TRAF3IP1: variants seen among roughly 807,000 people sequenced by gnomAD.
TRAF3IP1 encodes TRAF3-interacting protein 1.
A neutral mutation model predicts 89.9 loss-of-function variants in TRAF3IP1; 53 were observed. That is an observed-to-expected ratio of 0.59 (90% CI 0.47 to 0.74). The LOEUF (loss-of-function observed/expected upper bound fraction) is 0.74. Among genes scored for constraint, TRAF3IP1 ranks in the 30% least tolerant of loss-of-function variants. The probability of loss-of-function intolerance (pLI) is 0.00; values close to 1 mark genes in which losing one functional copy is unlikely to be tolerated. For synonymous variants in TRAF3IP1, 311 were observed against 322.1 expected, an observed-to-expected ratio of 0.97 and a Z score of 0.37; for missense variants, 806 against 866.1, an observed-to-expected ratio of 0.93 and a Z score of 0.87.
chr2:238,326,109 C>T, intron 3 of TRAF3IP1, 139 bp downstream of exon 3: 1 of 749,376 alleles, frequency 1.3e-6, no homozygotes, highest in Non-Finnish European at 2.1e-6. Flanking sequence ...TGAATCTGAT[C>T]CCACCCCTTC....
chr2:238,369,921 T>C (rs1700036306), intron 15 of TRAF3IP1, among the ~76,000 whole-genome samples: 1 of 152,222 alleles, frequency 6.6e-6, no homozygotes, highest in Non-Finnish European at 1.5e-5. Flanking sequence ...GCCTCAGATT[T>C]GGCTCTGGAG....
At chr2:238,357,069 C>T (rs868571599) in intron 15 of TRAF3IP1, among the ~76,000 whole-genome samples, 6 of 152,198 alleles carry the variant, frequency 3.9e-5, no homozygotes, top group Non-Finnish European at 7.3e-5. Context: ...TGAGCCACCG[C>T]GCCTGGCCGG....
At position 238,344,583 on chromosome 2, in the gene TRAF3IP1, A is replaced by T. The variant is rs58277463; in HGVS notation, c.1246A>T (p.Thr416Ser). ...GTGTGAGAATATTCAGCCCAACCCC[A>T]CAGAGAAGCAGAAAGGTAAGAATGG... ...LRCENIQPNPTEKQKGDSTSD... is the reference protein window; with the variant it reads ...LRCENIQPNPSEKQKGDSTSD... Residue 416 changes from threonine to serine, a missense_variant, in exon 9 of 17, where the codon ACA becomes TCA. Coordinates refer to ENST00000373327, the MANE Select transcript of TRAF3IP1 (RefSeq NM_015650.4). The T allele has an allele frequency of 0.06, 97,462 of 1,613,720 alleles. 5,390 individuals are homozygous for T. The highest frequency in any genetic ancestry group is 0.27 in the African/African-American group (20,457 of 74,948).
At position 238,325,886 on chromosome 2, in the gene TRAF3IP1, C is replaced by A. The variant is rs767662511; in HGVS notation, c.270C>A (p.Ala90=). The A allele has an allele frequency of 6.2e-7, 1 of 1,614,202 alleles. No individual in the cohort carries two copies. Among genetic ancestry groups the A allele is most frequent in the South Asian group, 1.1e-5 (1 of 91,074 alleles). ...TGGTGTCGGGAGAGCCACTGTTGGC[C>A]AAACCAGCCCGAATCGTGGCGGGGC... ...VVMVSGEPLL[A]KPARIVAGHE... The change falls in exon 3 of 17, where the codon GCC becomes GCA. Residue 90 remains alanine (A), a synonymous_variant. Transcript: ENST00000373327.
chr2:238,358,000 T>C (rs1407726890), intron 15 of TRAF3IP1, among the ~76,000 whole-genome samples: 1 of 152,192 alleles, frequency 6.6e-6, no homozygotes, highest in Non-Finnish European at 1.5e-5. Context: ...TCAGGGTTGA[T>C]GTATGTTACA....
chr2:238,393,554 G>A (rs533466636), intron 15 of TRAF3IP1, among the ~76,000 whole-genome samples: 16 of 152,282 alleles, frequency 1.1e-4, no homozygotes, highest in Non-Finnish European at 1.8e-4. Flanking sequence ...TTGGTGTCAA[G>A]TCTTCGAACT....
At chr2:238,368,542 A>G (rs1699979467) in intron 15 of TRAF3IP1, among the ~76,000 whole-genome samples, 1 of 152,162 alleles carries the variant, frequency 6.6e-6, no homozygotes, top group African/African-American at 2.4e-5. Context: ...ACTGACATTC[A>G]CTTAGTGAAG....
chr2:238,390,441 C>T (rs1031214184), intron 15 of TRAF3IP1, among the ~76,000 whole-genome samples: 6 of 152,146 alleles, frequency 3.9e-5, no homozygotes, highest in African/African-American at 1.4e-4. Context: ...AAGAACTTGC[C>T]TGGACATGAC....
At position 238,384,318 on chromosome 2, in the gene TRAF3IP1, A is replaced by G. The variant is rs1048433833; in HGVS notation, c.1690-13141A>G. ...TGCTAGTCTGGTTTCTCCTTTTCTA[A>G]TCTGTCCAGAATCAACCTGATGTAT... On this transcript the variant is annotated intron_variant, in intron 15 of 16. Coordinates refer to ENST00000373327, the MANE Select transcript of TRAF3IP1 (RefSeq NM_015650.4). Among the ~76,000 whole-genome samples the G allele has an allele frequency of 5.3e-5, 8 of 151,150 alleles. No individual in the cohort carries two copies. The South Asian group carries it at 1.5e-3, about 28-fold the overall frequency.
rs1395710182 is a variant in TRAF3IP1, at chr2:238,329,074, A to G, written c.647A>G (p.Glu216Gly). Residue 216 changes from glutamate (E) to glycine (G), a missense_variant, in exon 5 of 17, where the codon GAG (glutamate) becomes GGG (glycine). By Grantham distance (98) the Glu-to-Gly change is moderately conservative (BLOSUM62 -2). Around this residue, in one of 3 missense-constraint regions of TRAF3IP1, gnomAD observed 732 missense variants for 780.5 expected, o/e 0.94. Transcript: ENST00000373327. ...ENGGNRHREG[E>G]RERAKARARP... ...GGCGGAAACAGACACAGAGAAGGGG[A>G]GAGAGAGAGAGCCAAAGCCCGGGCC... 2.1e-5 allele frequency: 33 copies of G among 1,545,926 alleles called. No homozygotes were observed. The highest frequency in any genetic ancestry group is 2.6e-5 in the Non-Finnish European group (30 of 1,144,204).
In TRAF3IP1 at chr2:238,351,839, G is replaced by T. The variant is rs1699170848; in HGVS notation, c.1452-988G>T. ...CTGAAGCAAGGGAGGATTTTGGTGT[G>T]TGTGTGTGTGTGTGTGTGTGTGTGT... On this transcript the variant is annotated intron_variant, in intron 12 of 16. Transcript: ENST00000373327. This position sits in a 1 kb window ranked among gnomAD's most constrained non-coding sequence, Gnocchi z 5.2. Among the ~76,000 whole-genome samples, 2 of 52,308 alleles carry T rather than the reference G, an allele frequency of 3.8e-5. No homozygotes were observed. Among genetic ancestry groups the T allele is most frequent in the African/African-American group, 1.7e-4 (2 of 11,752 alleles). 34.3% of individuals were successfully genotyped at this position (52,308 alleles called of 152,430 possible).
At chr2:238,372,434 T>C (rs1467474098) in intron 15 of TRAF3IP1, among the ~76,000 whole-genome samples, 1 of 152,232 alleles carries the variant, frequency 6.6e-6, no homozygotes, top group East Asian at 1.9e-4. Context: ...TCCAGCTTCA[T>C]CCATGTCCCT....
At chr2:238,374,676 G>A (rs984807394) in intron 15 of TRAF3IP1, among the ~76,000 whole-genome samples, 2 of 152,100 alleles carry the variant, frequency 1.3e-5, no homozygotes, top group Admixed American at 1.3e-4. Context: ...CTCTTTTTCT[G>A]TTGATTGGAA....
At chr2:238,380,963 C>T (rs1281676610) in intron 15 of TRAF3IP1, among the ~76,000 whole-genome samples, 1 of 152,110 alleles carries the variant, frequency 6.6e-6, no homozygotes, top group Non-Finnish European at 1.5e-5. Flanking sequence ...CTTTTGAGTG[C>T]TTGAAACCAG....
At chr2:238,390,941 C>T (rs1700968898) in intron 15 of TRAF3IP1, among the ~76,000 whole-genome samples, 1 of 152,024 alleles carries the variant, frequency 6.6e-6, no homozygotes, top group African/African-American at 2.4e-5. Context: ...GACAGATTTC[C>T]TTTCCTTTTC....
chr2:238,331,300 A>T (rs1698112014), intron 5 of TRAF3IP1, among the ~76,000 whole-genome samples: 1 of 50,656 alleles, frequency 2.0e-5, no homozygotes, highest in African/African-American at 7.7e-5. Flanking sequence ...CATCTCTACT[A>T]AAAAAAAAAA....
At chr2:238,336,039 G>A (rs1246001723) in intron 7 of TRAF3IP1, among the ~76,000 whole-genome samples, 2 of 151,996 alleles carry the variant, frequency 1.3e-5, no homozygotes, top group African/African-American at 2.4e-5. Flanking sequence ...TGATCTGCCC[G>A]CCTCAGCCTC....
Position 238,387,604 on chromosome 2 carries a change from C to G in TRAF3IP1, c.1690-9855C>G, listed in dbSNP as rs1331270980. Among the ~76,000 whole-genome samples the G allele has an allele frequency of 2.0e-5, 3 of 152,190 alleles. No individual in the cohort carries two copies. The East Asian group carries it at 5.8e-4, about 29-fold the overall frequency. On this transcript the variant is annotated intron_variant, in intron 15 of 16. Coordinates refer to ENST00000373327, the MANE Select transcript of TRAF3IP1 (RefSeq NM_015650.4). Reference sequence around the variant, plus strand: ...ATACCCGACAGTCACGTGCTCATCTCTATTGGGACATATATAAGATTATTC... The same window carrying G: ...ATACCCGACAGTCACGTGCTCATCTGTATTGGGACATATATAAGATTATTC...
chr2:238,366,946 G>C (rs778150743), intron 15 of TRAF3IP1, among the ~76,000 whole-genome samples: 9 of 151,844 alleles, frequency 5.9e-5, no homozygotes, highest in Non-Finnish European at 1.3e-4. Context: ...GGCAGATCAC[G>C]AAGTCGGGAG....
Sources: gnomAD v4.1 joint callset for allele counts (sites outside exome capture counted in the v4.1 genomes callset) on GRCh38, gnomAD v4.1.1 for gene constraint, gnomAD v4.1.1 regional missense constraint, Gnocchi (gnomAD v3.1) non-coding constraint, MANE v1.5 for transcripts, NCBI Gene and HGNC (gene_info 2026-07-23, HGNC 2026-07-21) for gene names.